The following ETV5 variants were observed in gnomAD, a reference collection of about 807,000 sequenced individuals.
The protein encoded by ETV5 is ETS translocation variant 5.
Under a neutral mutation model 70.0 loss-of-function variants are expected in ETV5, and 10 were observed. That is an observed-to-expected ratio of 0.14 (90% confidence interval 0.09 to 0.24). ETV5 has a LOEUF of 0.24. Ranked by LOEUF, ETV5 falls within the 10% of genes least tolerant of loss-of-function variation. The probability of loss-of-function intolerance (pLI) is 1.00; values close to 1 mark genes in which losing one functional copy is unlikely to be tolerated. For missense variants in ETV5, 453 were observed against 651.2 expected (o/e 0.70, Z 3.31); for synonymous variants, 216 against 242.2 (o/e 0.89, Z 1.01).
chr3:186,091,769 G>C (rs995514659), intron 5 of ETV5, among the ~76,000 whole-genome samples: 5 of 152,184 alleles, frequency 3.3e-5, no homozygotes, highest in Non-Finnish European at 5.9e-5. Context: ...CTATGGGAAA[G>C]ACATATCCAA....
In ETV5 at chr3:186,046,977, T is replaced by A. The variant is rs746799982; in HGVS notation, c.*1662A>T. On this transcript the variant is annotated 3_prime_UTR_variant, in exon 13 of 13. Coordinates refer to ENST00000306376, the MANE Select transcript of ETV5 (RefSeq NM_004454.3). ...TTATCCCTGCGAACCTCTTCACAAA[T>A]GTGCTGTTGGTCATAAGGGGGACAG... 1.2e-4 allele frequency: 27 copies of A among 229,588 alleles called. No homozygotes were observed. Among genetic ancestry groups the A allele is most frequent in the Middle Eastern group, 1.3e-3 (1 of 784 alleles). The allele number at this position is 229,588 out of a possible 1,614,324, so 14.2% of individuals were successfully genotyped here. A position where few individuals can be genotyped will look rare whatever the true frequency, so the allele number is the denominator to read the frequency against.
intron 5 of ETV5, among the ~76,000 whole-genome samples, chr3:186,096,220 T>G (rs1425677859): frequency 6.6e-6 from 1 of 152,072 alleles, no homozygotes; most frequent in Non-Finnish European, 1.5e-5. Context: ...GAGATATCCC[T>G]CAGCACAGCA....
In ETV5 at chr3:186,057,545, C is replaced by T. The variant is rs750544532; in HGVS notation, c.971-54G>A. On this transcript the variant is annotated intron_variant, in intron 9 of 12. Transcript: ENST00000306376. The surrounding 1 kb of genome is among the most constrained non-coding windows in gnomAD (Gnocchi z 4.9). ...GTTGCTTAACAAATTCTGTGTTGTA[C>T]TAAAACTATGGATTTAAGGACTAGA... 4.8e-5 allele frequency: 69 copies of T among 1,446,614 alleles called. No individual in the cohort carries two copies. Among genetic ancestry groups the T allele is most frequent in the Non-Finnish European group, 6.7e-5 (69 of 1,028,140 alleles). The allele number at this position is 1,446,614 out of a possible 1,614,324, so 89.6% of individuals were successfully genotyped here.
In ETV5 at chr3:186,048,351, G is replaced by A. The variant is rs968086042; in HGVS notation, c.*288C>T. The A allele has an allele frequency of 2.1e-6, 1 of 476,526 alleles. No homozygotes were observed. The highest frequency in any genetic ancestry group is 3.7e-5 in the East Asian group (1 of 27,286). 29.5% of individuals were successfully genotyped at this position (476,526 alleles called of 1,614,324 possible). A position where few individuals can be genotyped will look rare whatever the true frequency, so the allele number is the denominator to read the frequency against. On this transcript the variant is annotated 3_prime_UTR_variant, in exon 13 of 13. Transcript: ENST00000306376. ...ACCTGAACAAGATATTGCTTTGCAT[G>A]TATTGTCCATGGTAAGGAGACTCCA...
rs144014237 is a variant in ETV5 at position 186,065,862 on chromosome 3, C to T, written c.861G>A (p.Gln287=). The change falls in exon 8 of 13, where the codon CAG becomes CAA. Residue 287 remains glutamine, a synonymous_variant. Coordinates refer to ENST00000306376, the MANE Select transcript of ETV5 (RefSeq NM_004454.3). ...GMPGPPAHGF[Q]SPMGIKQEPR... ...GCTCCTGCTTGATTCCCATTGGTGA[C>T]TGGAACCCGTGTGCTGGGGGCCCTG... 1 of 1,614,102 alleles carries T rather than the reference C, an allele frequency of 6.2e-7. No individual in the cohort carries two copies.
Position 186,057,484 on chromosome 3 carries a change from T to A in ETV5, c.978A>T (p.Ser326=), listed in dbSNP as rs141184374. 1 of 1,613,566 alleles carries A rather than the reference T, an allele frequency of 6.2e-7. No homozygotes were observed. Among genetic ancestry groups the A allele is most frequent in the South Asian group, 1.1e-5 (1 of 91,056 alleles). ...GYFSSSHEGF[S]YEKDPRLYFD... ...AGTATAATCGGGGATCTTTTTCATA[T>A]GAAAAACCTGAAAGAGAATTTAAAA... The change falls in exon 10 of 13, where the codon TCA becomes TCT. Residue 326 remains serine (S), a synonymous_variant. Coordinates refer to ENST00000306376, the MANE Select transcript of ETV5 (RefSeq NM_004454.3). This position sits in a 1 kb window ranked among gnomAD's most constrained non-coding sequence, Gnocchi z 4.9.
intron 7 of ETV5, among the ~76,000 whole-genome samples, chr3:186,072,621 C>T (rs1248055714): frequency 6.6e-6 from 1 of 152,170 alleles, no homozygotes; most frequent in East Asian, 1.9e-4. Context: ...CACCAAAGAA[C>T]TCTGAAACAA....
intron 7 of ETV5, among the ~76,000 whole-genome samples, chr3:186,074,833 C>A (rs113118346): frequency 1.7e-4 from 24 of 144,626 alleles, no homozygotes; most frequent in African/African-American, 5.2e-4. Context: ...TGCACTCCAG[C>A]CTGGGCGACA....
chr3:186,096,220 T>C (rs1425677859), intron 5 of ETV5, among the ~76,000 whole-genome samples: 2 of 152,072 alleles, frequency 1.3e-5, no homozygotes, highest in African/African-American at 4.8e-5. Context: ...GAGATATCCC[T>C]CAGCACAGCA....
In ETV5 at chr3:186,048,031, A is replaced by G; in HGVS notation, c.*608T>C. ...ACCACATGGCCGGGTGGTTCCCAAG[A>G]GTAGCCATGGTTTATGATTTTGAGA... On this transcript the variant is annotated 3_prime_UTR_variant, in exon 13 of 13. Transcript: ENST00000306376. 4.3e-6 allele frequency: 1 copy of G among 233,450 alleles called. No homozygotes were observed. The highest frequency in any genetic ancestry group is 8.5e-6 in the Non-Finnish European group (1 of 118,010). The allele number at this position is 233,450 out of a possible 1,614,324, so 14.5% of individuals were successfully genotyped here. A position where few individuals can be genotyped will look rare whatever the true frequency, so the allele number is the denominator to read the frequency against.
At position 186,057,338 on chromosome 3, in the gene ETV5, T is replaced by C; in HGVS notation, c.1039+85A>G. 6.2e-6 allele frequency: 10 copies of C among 1,605,934 alleles called. 1 individual carries two copies. The South Asian group carries it at 8.8e-5, about 14-fold the overall frequency. On this transcript the variant is annotated intron_variant, in intron 10 of 12. Coordinates refer to ENST00000306376, the MANE Select transcript of ETV5 (RefSeq NM_004454.3). This position sits in a 1 kb window ranked among gnomAD's most constrained non-coding sequence, Gnocchi z 4.9. Reference sequence around the variant, plus strand: ...GAGTTGTTCATGCTGATTTAATCACTGGACTTGGGAAGAGAGTCATGGCTG... The same window carrying C: ...GAGTTGTTCATGCTGATTTAATCACCGGACTTGGGAAGAGAGTCATGGCTG...
At position 186,047,586 on chromosome 3, in the gene ETV5, C is replaced by G. The variant is rs928004846; in HGVS notation, c.*1053G>C. 4.3e-6 allele frequency: 1 copy of G among 232,172 alleles called. No homozygotes were observed. Among genetic ancestry groups the G allele is most frequent in the African/African-American group, 2.2e-5 (1 of 45,342 alleles). The allele number at this position is 232,172 out of a possible 1,614,324, so 14.4% of individuals were successfully genotyped here. ...GAATCTAAGCTTGTGTCCAGGCTGC[C>G]CTGCACACTTCAAAAATGTACAACT... is the stretch of plus-strand genomic sequence containing the variant. On this transcript the variant is annotated 3_prime_UTR_variant, in exon 13 of 13. Transcript: ENST00000306376.
intron 8 of ETV5, among the ~76,000 whole-genome samples, chr3:186,065,047 C>T (rs767280786): frequency 6.6e-6 from 1 of 152,146 alleles, no homozygotes; most frequent in African/African-American, 2.4e-5. Flanking sequence ...CATGCTGGGG[C>T]TGTCATACTG....
In ETV5 at chr3:186,057,637, A is replaced by G. The variant is rs2150142516; in HGVS notation, c.971-146T>C. The G allele has an allele frequency of 8.4e-6, 6 of 714,288 alleles. No individual in the cohort carries two copies. The South Asian group carries it at 9.8e-5, about 12-fold the overall frequency. 44.2% of individuals were successfully genotyped at this position (714,288 alleles called of 1,614,324 possible). A position where few individuals can be genotyped will look rare whatever the true frequency, so the allele number is the denominator to read the frequency against. On this transcript the variant is annotated intron_variant, in intron 9 of 12. Transcript: ENST00000306376. This position sits in a 1 kb window ranked among gnomAD's most constrained non-coding sequence, Gnocchi z 4.9. ...TCTATGGCAGACTGAATTTTCAGGG[A>G]CTTCAAGAGGGCTTAGGCATTCCAA...
intron 5 of ETV5, among the ~76,000 whole-genome samples, chr3:186,099,348 A>T (rs75369801): frequency 0.037 from 5,710 of 152,346 alleles, 134 homozygotes; most frequent in African/African-American, 0.058. Context: ...ATGAATTTTT[A>T]AAAAAGCAAC....
rs938210379 is a variant in ETV5, at chr3:186,052,733, C to T, written c.1210-602G>A. Among the ~76,000 whole-genome samples the T allele has an allele frequency of 6.6e-6, 1 of 152,188 alleles. No individual in the cohort carries two copies. Among genetic ancestry groups the T allele is most frequent in the African/African-American group, 2.4e-5 (1 of 41,442 alleles). ...TGAAAGCATGTAGCACCATTATCCA[C>T]TTAATGAAAAATTAACAGGGCTTTC... On this transcript the variant is annotated intron_variant, in intron 11 of 12. Transcript: ENST00000306376. This position sits in a 1 kb window ranked among gnomAD's most constrained non-coding sequence, Gnocchi z 4.5.
In ETV5 at chr3:186,105,539, C is replaced by T. The variant is rs751589992; in HGVS notation, c.134-43G>A. The T allele has an allele frequency of 1.7e-5, 27 of 1,612,646 alleles. No homozygotes were observed. Among genetic ancestry groups the T allele is most frequent in the Non-Finnish European group, 2.1e-5 (25 of 1,178,974 alleles). On this transcript the variant is annotated intron_variant, in intron 3 of 12. Coordinates refer to ENST00000306376, the MANE Select transcript of ETV5 (RefSeq NM_004454.3). This position sits in a 1 kb window ranked among gnomAD's most constrained non-coding sequence, Gnocchi z 4.5. ...GACCCCAGAATGAGGATATTTCTTT[C>T]GCTAGGGAGAAGACAGGGAAGAATC...
At position 186,107,883 on chromosome 3, in the gene ETV5, A is replaced by C. The variant is rs544638820; in HGVS notation, c.-75+1057T>G. Among the ~76,000 whole-genome samples the C allele has an allele frequency of 7.2e-5, 11 of 152,038 alleles. No individual in the cohort carries two copies. In the South Asian group the frequency reaches 1.9e-3, roughly 26 times the overall value. On this transcript the variant is annotated intron_variant, in intron 1 of 12. Transcript: ENST00000306376. ...ACCCAATTCTCAGCCTTCCCCATTC[A>C]TGAAAACTCCTTCAGCTGCGCCCCC...
At chr3:186,093,306 G>T (rs1036050614) in intron 5 of ETV5, among the ~76,000 whole-genome samples, 2 of 152,180 alleles carry the variant, frequency 1.3e-5, no homozygotes, top group Non-Finnish European at 2.9e-5. Context: ...AAGGGCCTTA[G>T]TTGGGAGCAT....
Sources: gnomAD v4.1 joint callset for allele counts (sites outside exome capture counted in the v4.1 genomes callset) on GRCh38, gnomAD v4.1.1 for gene constraint, Gnocchi (gnomAD v3.1) non-coding constraint, MANE v1.5 for transcripts, NCBI Gene and HGNC (gene_info 2026-07-23, HGNC 2026-07-21) for gene names.